Variants in FER1L6 observed in about 807,000 individuals in gnomAD.
FER1L6 encodes the protein fer-1 like family member 6.
Under a neutral mutation model 219.2 loss-of-function variants are expected in FER1L6, and 177 were observed. The ratio of observed to expected loss-of-function variants is 0.81; its 90% CI spans 0.71 to 0.91. The LOEUF (loss-of-function observed/expected upper bound fraction) is 0.91, where lower values mean the gene tolerates loss of function less well. Ranked by LOEUF, FER1L6 falls within the 40% of genes least tolerant of loss-of-function variation. The pLI, the probability that FER1L6 is intolerant of heterozygous loss-of-function variation, is 0.00. For synonymous variants in FER1L6, 768 were observed against 824.3 expected (o/e 0.93, Z 1.17); for missense variants, 2,153 against 2,259.9 (o/e 0.95, Z 0.96).
At chr8:123,866,458 G>GCAGATATAT (rs1397268299) in intron 1 of FER1L6, among the ~76,000 whole-genome samples, 1 of 152,126 alleles carries the variant, frequency 6.6e-6, no homozygotes, top group African/African-American at 2.4e-5. Context: ...ACACGGGAGT[G>GCAGATATAT]CAGATATATC....
intron 1 of FER1L6, among the ~76,000 whole-genome samples, chr8:123,902,438 C>T (rs572301713): frequency 6.6e-6 from 1 of 152,176 alleles, no homozygotes; most frequent in East Asian, 1.9e-4. Context: ...GTGTTGCTGT[C>T]CATCTCATTT....
rs191271444 is a variant in FER1L6 at position 124,017,693 on chromosome 8, G to A, written c.1988G>A (p.Arg663Gln). The change falls in exon 16 of 41, where the codon CGA (arginine) becomes CAA (glutamine). Residue 663 changes from arginine (R) to glutamine (Q), a missense_variant. Transcript: ENST00000522917. ...AACCAAACCACTTTAGATAAGAAGC[G>A]ACTTACGCTCTGCTGGCAGGAGCTG... is the stretch of plus-strand genomic sequence containing the variant. ...MLNQTTLDKK[R>Q]LTLCWQELEA... 1.7e-5 allele frequency: 28 copies of A among 1,613,592 alleles called. No homozygotes were observed. Among genetic ancestry groups the A allele is most frequent in the Admixed American group, 6.7e-5 (4 of 59,984 alleles).
chr8:123,981,472 G>A (rs944618353), intron 11 of FER1L6, among the ~76,000 whole-genome samples: 7 of 152,206 alleles, frequency 4.6e-5, no homozygotes, highest in African/African-American at 1.7e-4. Flanking sequence ...GTCAGTAGCG[G>A]AGGTAGGTAG....
chr8:123,985,866 G>A, intron 11 of FER1L6: 2 of 547,920 alleles, frequency 3.7e-6, no homozygotes, highest in Non-Finnish European at 6.5e-6. Flanking sequence ...CATCATTCTA[G>A]ATGAATGACT....
chr8:124,010,412 CTG>C (rs1192804727), intron 13 of FER1L6, among the ~76,000 whole-genome samples, 180 bp from the exon 14 acceptor site: 1 of 152,278 alleles, frequency 6.6e-6, no homozygotes, highest in African/African-American at 2.4e-5. Flanking sequence ...AGCCATCTAA[CTG>C]TTCATTGTTC....
intron 1 of FER1L6, among the ~76,000 whole-genome samples, chr8:123,946,338 G>C (rs1227604924): frequency 6.6e-6 from 1 of 152,094 alleles, no homozygotes; most frequent in Admixed American, 6.6e-5. Context: ...TGCAACCTCG[G>C]CCTCCTGGGT....
chr8:124,110,888 C>G (rs1170544771), intron 39 of FER1L6, among the ~76,000 whole-genome samples: 9 of 152,024 alleles, frequency 5.9e-5, no homozygotes, highest in Non-Finnish European at 1.2e-4. Context: ...TCAGTGCCCC[C>G]CCTCCCCTCC....
At chr8:124,060,107 GA>G in intron 22 of FER1L6, 72 bp from the exon 23 acceptor site, 1 of 1,045,088 alleles carries the variant, frequency 9.6e-7, no homozygotes, top group Non-Finnish European at 1.5e-6. Context: ...TCTTACTGAT[GA>G]GGTGGTTGTG....
At chr8:123,974,150 G>T (rs1586539293) in intron 7 of FER1L6, among the ~76,000 whole-genome samples, 2 of 152,136 alleles carry the variant, frequency 1.3e-5, no homozygotes, top group East Asian at 1.9e-4. Flanking sequence ...TTTATGAAAG[G>T]CCCCCTATCT....
chr8:124,049,890 G>A (rs571775975), intron 22 of FER1L6, 134 bp downstream of exon 22: 28 of 874,314 alleles, frequency 3.2e-5, no homozygotes, highest in Non-Finnish European at 7.3e-6. Flanking sequence ...GTCTCCTGGG[G>A]ACCTGAGAGG....
At chr8:123,898,762 T>C (rs1202486381) in intron 1 of FER1L6, among the ~76,000 whole-genome samples, 2 of 145,662 alleles carry the variant, frequency 1.4e-5, no homozygotes, top group Admixed American at 1.4e-4. Flanking sequence ...TATATACACA[T>C]ATATATGTGT....
intron 19 of FER1L6, among the ~76,000 whole-genome samples, chr8:124,038,918 G>A (rs190853776): frequency 6.6e-6 from 1 of 152,334 alleles, no homozygotes; most frequent in Non-Finnish European, 1.5e-5. Context: ...TCCGTGAAAT[G>A]GGAGTGGGTA....
At chr8:123,987,758 G>A (rs1348251342) in intron 12 of FER1L6, among the ~76,000 whole-genome samples, 1 of 152,124 alleles carries the variant, frequency 6.6e-6, no homozygotes, top group Non-Finnish European at 1.5e-5. Flanking sequence ...AGTTTTCCCA[G>A]CACCATTTAT....
chr8:123,978,857 A>T (rs1016958842), intron 10 of FER1L6, among the ~76,000 whole-genome samples: 2 of 152,170 alleles, frequency 1.3e-5, no homozygotes, highest in Non-Finnish European at 2.9e-5. Context: ...ACATTATGGA[A>T]GTGTTTGCCA....
chr8:124,048,955 C>A (rs1819858463), intron 21 of FER1L6, among the ~76,000 whole-genome samples: 1 of 152,148 alleles, frequency 6.6e-6, no homozygotes, highest in Admixed American at 6.5e-5. Flanking sequence ...ATGATTTTAA[C>A]TATATCCTAC....
In FER1L6 at chr8:123,960,097, A is replaced by G. The variant is rs190033286; in HGVS notation, c.77-3181A>G. Among the ~76,000 whole-genome samples the G allele has an allele frequency of 2.1e-3, 319 of 152,250 alleles. 1 individual carries two copies. Among genetic ancestry groups the G allele is most frequent in the South Asian group, 0.012 (60 of 4,814 alleles). On this transcript the variant is annotated intron_variant, in intron 2 of 40. Coordinates refer to ENST00000522917, the MANE Select transcript of FER1L6 (RefSeq NM_001039112.2). Reference sequence around the variant, plus strand: ...AGTTTGTTTAATTTTCCTAACCTGTAGGGGGGTAAATGATGTTAACCTTGT... The same window carrying G: ...AGTTTGTTTAATTTTCCTAACCTGTGGGGGGGTAAATGATGTTAACCTTGT...
At chr8:123,973,560 A>G (rs753190863) in intron 7 of FER1L6, 48 bp downstream of exon 7, 2 of 1,405,144 alleles carry the variant, frequency 1.4e-6, no homozygotes, top group African/African-American at 1.4e-5. Context: ...TCTTTGGTTT[A>G]TAGCACCTGG....
At chr8:123,949,682 A>G (rs1814670571) in intron 1 of FER1L6, among the ~76,000 whole-genome samples, 1 of 152,202 alleles carries the variant, frequency 6.6e-6, no homozygotes, top group Non-Finnish European at 1.5e-5. Context: ...AGCTCTGCTC[A>G]GTGGTTACTT....
At chr8:123,948,099 G>C (rs28712238) in intron 1 of FER1L6, among the ~76,000 whole-genome samples, 2,127 of 152,250 alleles carry the variant, frequency 0.014, 26 homozygotes, top group African/African-American at 0.031. Context: ...TTTAATTAAC[G>C]TGTAGGATAT....
Sources: gnomAD v4.1 joint callset for allele counts (sites outside exome capture counted in the v4.1 genomes callset) on GRCh38, gnomAD v4.1.1 for gene constraint, MANE v1.5 for transcripts, NCBI Gene and HGNC (gene_info 2026-07-23, HGNC 2026-07-21) for gene names.